Variants in BCL9L observed in about 807,000 individuals in gnomAD.
BCL9L encodes B-cell CLL/lymphoma 9-like protein.
Under a neutral mutation model 99.4 loss-of-function variants are expected in BCL9L, and 19 were observed. The observed-to-expected ratio is 0.19, with a 90% confidence interval of 0.13 to 0.28. The LOEUF (loss-of-function observed/expected upper bound fraction) is 0.28, where lower values mean the gene tolerates loss of function less well. Ranked by LOEUF, BCL9L falls within the 10% of genes least tolerant of loss-of-function variation. BCL9L has a pLI of 1.00. For synonymous variants in BCL9L, 900 were observed against 854.8 expected (o/e 1.05, Z -0.92); for missense variants, 2,023 against 2,101.6 (o/e 0.96, Z 0.73).
chr11:118,907,416 AG>A (rs1488569422), intron 5 of BCL9L, 66 bp downstream of exon 5: 1 of 1,610,634 alleles, frequency 6.2e-7, no homozygotes, highest in Non-Finnish European at 8.5e-7. Flanking sequence ...TCCCAGGCTC[AG>A]TCCTCTCAAG....
Position 118,898,453 on chromosome 11 carries a change from G to A in BCL9L, c.4462C>T (p.Leu1488Phe), listed in dbSNP as rs763770340. Residue 1488 changes from leucine to phenylalanine, a missense_variant, in exon 10 of 10, where the codon CTC (leucine) becomes TTC (phenylalanine). Transcript: ENST00000683865. ...TTGGCCATGCCGCCTGGTGCCGGGAGGTAGCCCATCTGGCTGTCCAGGGAC... is the reference window on the plus strand; with the variant it reads ...TTGGCCATGCCGCCTGGTGCCGGGAAGTAGCCCATCTGGCTGTCCAGGGAC... ...SVSLDSQMGY[L>F]PAPGGMANLP... The A allele has an allele frequency of 6.2e-7, 1 of 1,606,850 alleles. No individual in the cohort carries two copies. The highest frequency in any genetic ancestry group is 8.5e-7 in the Non-Finnish European group (1 of 1,175,020).
Position 118,902,081 on chromosome 11 carries a change from G to A in BCL9L, c.1662C>T (p.Gly554=), listed in dbSNP as rs1940272074. 6.2e-7 allele frequency: 1 copy of A among 1,613,622 alleles called. No homozygotes were observed. Among genetic ancestry groups the A allele is most frequent in the African/African-American group, 1.3e-5 (1 of 74,788 alleles). The change falls in exon 8 of 10, where the codon GGC becomes GGT. Residue 554 remains glycine (G), a synonymous_variant. Transcript: ENST00000683865. This position sits in a 1 kb window ranked among gnomAD's most constrained non-coding sequence, Gnocchi z 7.8. ...RPLQDMMGMG[G]MMVRGPPPPY... is the part of the protein sequence containing the mutation. ...GAGGCGGGGGCCCCCTCACCATCATGCCCCCCATGCCCATCATGTCCTGCA... is the reference window on the plus strand; with the variant it reads ...GAGGCGGGGGCCCCCTCACCATCATACCCCCCATGCCCATCATGTCCTGCA...
rs1941126997 is a variant in BCL9L, at chr11:118,921,190, A to G, written c.-130-2311T>C. 6.6e-6 allele frequency among the ~76,000 whole-genome samples: 1 copy of G among 152,128 alleles called. No individual in the cohort carries two copies. Among genetic ancestry groups the G allele is most frequent in the Admixed American group, 6.5e-5 (1 of 15,284 alleles). Reference sequence around the variant, plus strand: ...GCCTAGGGGAGCTCAGGAAACACACATGACATCGGCCAATCACACAGAACT... The same window carrying G: ...GCCTAGGGGAGCTCAGGAAACACACGTGACATCGGCCAATCACACAGAACT... On this transcript the variant is annotated intron_variant, in intron 1 of 9. Transcript: ENST00000683865. This position sits in a 1 kb window ranked among gnomAD's most constrained non-coding sequence, Gnocchi z 5.4.
intron 1 of BCL9L, among the ~76,000 whole-genome samples, chr11:118,919,325 C>A (rs1193223811): frequency 6.6e-6 from 1 of 151,628 alleles, no homozygotes; most frequent in East Asian, 1.9e-4. Context: ...CAGCCACCTC[C>A]AGGTTATCCT....
chr11:118,902,734 T>C lies in BCL9L; in HGVS notation c.1009A>G (p.Asn337Asp). Residue 337 changes from asparagine to aspartate, a missense_variant, in exon 8 of 10, where the codon AAC (asparagine) becomes GAC (aspartate). Asn to Asp is a conservative substitution (Grantham distance 23). This residue lies in a region of BCL9L where 1,116 missense variants were observed against 1,194.6 expected (regional missense o/e 0.93). Coordinates refer to ENST00000683865, the MANE Select transcript of BCL9L (RefSeq NM_001378213.1). The surrounding 1 kb of genome is among the most constrained non-coding windows in gnomAD (Gnocchi z 7.8). ...PEDSSQDLAP[N>D]SVGAASTGGG... Reference sequence around the variant, plus strand: ...CCTGTGCTGGCAGCTCCCACCGAGTTGGGGGCCAGGTCCTGACTGCTGTCC... The same window carrying C: ...CCTGTGCTGGCAGCTCCCACCGAGTCGGGGGCCAGGTCCTGACTGCTGTCC... 1 of 1,596,136 alleles carries C rather than the reference T, an allele frequency of 6.3e-7. No homozygotes were observed. Among genetic ancestry groups the C allele is most frequent in the Non-Finnish European group, 8.5e-7 (1 of 1,178,574 alleles).
chr11:118,902,528 C>T lies in BCL9L; in HGVS notation c.1215G>A (p.Glu405=). ...GCGTCTGGAGGGACCGTTCCCGATG[C>T]TCCAGCTGCTCTTTGGACAAGCCCT... ...GSEGLSKEQL[E]HRERSLQTLR... The change falls in exon 8 of 10, where the codon GAG becomes GAA. Residue 405 remains glutamate (E), a synonymous_variant. Coordinates refer to ENST00000683865, the MANE Select transcript of BCL9L (RefSeq NM_001378213.1). The surrounding 1 kb of genome is among the most constrained non-coding windows in gnomAD (Gnocchi z 7.8). 1 of 1,604,570 alleles carries T rather than the reference C, an allele frequency of 6.2e-7. No individual in the cohort carries two copies. Among genetic ancestry groups the T allele is most frequent in the Non-Finnish European group, 8.5e-7 (1 of 1,179,868 alleles).
intron 2 of BCL9L, among the ~76,000 whole-genome samples, chr11:118,912,827 G>A (rs559894381): frequency 6.6e-6 from 1 of 152,342 alleles, no homozygotes; most frequent in African/African-American, 2.4e-5. Flanking sequence ...AGGGCCCCCT[G>A]TGATGACGTG....
In BCL9L at chr11:118,900,689, C is replaced by G. The variant is rs1047942986; in HGVS notation, c.3054G>C (p.Pro1018=). 18 of 1,613,502 alleles carry G rather than the reference C, an allele frequency of 1.1e-5. No homozygotes were observed. Among genetic ancestry groups the G allele is most frequent in the Admixed American group, 8.3e-5 (5 of 59,964 alleles). The change falls in exon 8 of 10, where the codon CCG becomes CCC. Residue 1018 remains proline, a synonymous_variant. Transcript: ENST00000683865. This position sits in a 1 kb window ranked among gnomAD's most constrained non-coding sequence, Gnocchi z 5.3. ...GCGGCTGCTTGTTCTGGGAGACCCC[C>G]GGGCTGGGCATGGCCGTCTTAGGTG... The part of the protein sequence containing the change: ...VASPKTAMPS[P]GVSQNKQPPL...
chr11:118,911,353 A>G, intron 2 of BCL9L: 1 of 435,288 alleles, frequency 2.3e-6, no homozygotes, highest in Non-Finnish European at 4.7e-6. Flanking sequence ...CCTGGGGGTG[A>G]GGGGGCCCCA....
At position 118,914,820 on chromosome 11, in the gene BCL9L, G is replaced by A. The variant is rs1193237290; in HGVS notation, c.-77+4006C>T. Among the ~76,000 whole-genome samples, 1 of 152,218 alleles carries A rather than the reference G, an allele frequency of 6.6e-6. No individual in the cohort carries two copies. Among genetic ancestry groups the A allele is most frequent in the Non-Finnish European group, 1.5e-5 (1 of 68,028 alleles). On this transcript the variant is annotated intron_variant, in intron 2 of 9. Coordinates refer to ENST00000683865, the MANE Select transcript of BCL9L (RefSeq NM_001378213.1). The surrounding 1 kb of genome is among the most constrained non-coding windows in gnomAD (Gnocchi z 4.4). ...CCCTCTGAGGTTGGGGCCCTGGCAG[G>A]CAGTATGATGCAGTGGAATAAGAAC...
chr11:118,919,561 G>A (rs1363762203), intron 1 of BCL9L, among the ~76,000 whole-genome samples: 6 of 151,884 alleles, frequency 4.0e-5, no homozygotes, highest in Non-Finnish European at 2.9e-5. Context: ...GGGTCAAAGG[G>A]GAGTTCTTTT....
chr11:118,908,327 C>G lies in BCL9L; in HGVS notation c.355G>C (p.Val119Leu). 6.2e-7 allele frequency: 1 copy of G among 1,602,852 alleles called. No homozygotes were observed. The highest frequency in any genetic ancestry group is 8.5e-7 in the Non-Finnish European group (1 of 1,172,976). ...GKVKRDRSVSVDSGEQREAGT... is the reference protein window; with the variant it reads ...GKVKRDRSVSLDSGEQREAGT... ...GCCTCTCGCTGCTCTCCAGAGTCCA[C>G]AGACACACTCCGGTCCCTCTTCACC... The change falls in exon 4 of 10, where the codon GTG becomes CTG. Residue 119 changes from valine (V) to leucine (L), a missense_variant. By Grantham distance (32) the Val-to-Leu change is conservative. Transcript: ENST00000683865.
chr11:118,901,249 G>A lies in BCL9L; in HGVS notation c.2494C>T (p.Pro832Ser). 3.1e-6 allele frequency: 5 copies of A among 1,614,050 alleles called. No homozygotes were observed. The highest frequency in any genetic ancestry group is 4.2e-6 in the Non-Finnish European group (5 of 1,179,988). Residue 832 changes from proline (P) to serine (S), a missense_variant, in exon 8 of 10, where the codon CCG (proline) becomes TCG (serine). By Grantham distance (74) the Pro-to-Ser change is moderately conservative (BLOSUM62 -1). Transcript: ENST00000683865. The surrounding 1 kb of genome is among the most constrained non-coding windows in gnomAD (Gnocchi z 6.6). ...TGTGAAGGCATCAGCATCTTCTGCG[G>A]GCCGCCCATCACGCCACTGCTGTTC... ...AQNSSGVMGGPQKMLMPSQFP... is the reference protein window; with the variant it reads ...AQNSSGVMGGSQKMLMPSQFP...
chr11:118,902,550 C>T lies in BCL9L; in HGVS notation c.1193G>A (p.Gly398Asp), dbSNP rs1245763026. ...ATGCTCCAGCTGCTCTTTGGACAAGCCCTCTGAGCCCACCAGGCTGCGCTG... is the reference window on the plus strand; with the variant it reads ...ATGCTCCAGCTGCTCTTTGGACAAGTCCTCTGAGCCCACCAGGCTGCGCTG... ...NGQRSLVGSEGLSKEQLEHRE... is the reference protein window; with the variant it reads ...NGQRSLVGSEDLSKEQLEHRE... Residue 398 changes from glycine (G) to aspartate (D), a missense_variant, in exon 8 of 10, where the codon GGC becomes GAC. Physicochemically the swap from Gly to Asp is moderately conservative, Grantham distance 94 (BLOSUM62 -1). This residue lies in a region of BCL9L where 1,116 missense variants were observed against 1,194.6 expected (regional missense o/e 0.93). Coordinates refer to ENST00000683865, the MANE Select transcript of BCL9L (RefSeq NM_001378213.1). The surrounding 1 kb of genome is among the most constrained non-coding windows in gnomAD (Gnocchi z 7.8). The T allele has an allele frequency of 6.2e-7, 1 of 1,602,278 alleles. No individual in the cohort carries two copies. The highest frequency in any genetic ancestry group is 2.2e-5 in the East Asian group (1 of 44,860).
chr11:118,898,960 T>A lies in BCL9L; in HGVS notation c.3955A>T (p.Thr1319Ser). ...ELSEVIRPTPTGIPEFDLSRI... is the reference protein window; with the variant it reads ...ELSEVIRPTPSGIPEFDLSRI... ...GACAAGTCGAACTCGGGGATCCCCG[T>A]TGGGGTGGGCCGGATCACCTCGCTC... The change falls in exon 10 of 10, where the codon ACG becomes TCG. Residue 1319 changes from threonine to serine, a missense_variant. Around this residue, in one of 3 missense-constraint regions of BCL9L, gnomAD observed 902 missense variants for 888.2 expected, o/e 1.02. Coordinates refer to ENST00000683865, the MANE Select transcript of BCL9L (RefSeq NM_001378213.1). 1 of 1,612,894 alleles carries A rather than the reference T, an allele frequency of 6.2e-7. No homozygotes were observed. The highest frequency in any genetic ancestry group is 8.5e-7 in the Non-Finnish European group (1 of 1,179,174).
In BCL9L at chr11:118,899,501, G is replaced by A. The variant is rs1457863013; in HGVS notation, c.3414C>T (p.Ser1138=). ...PPPQGSGPGI[S]NSQPSQMHLN... ...GGTGCATCTGGCTGGGCTGGCTGTT[G>A]CTGATCCCTGTAGGGAATAGAAGAC... Residue 1138 remains serine, a synonymous_variant, in exon 10 of 10, where the codon AGC becomes AGT. Coordinates refer to ENST00000683865, the MANE Select transcript of BCL9L (RefSeq NM_001378213.1). The A allele has an allele frequency of 6.2e-7, 1 of 1,608,332 alleles. No individual in the cohort carries two copies. The highest frequency in any genetic ancestry group is 8.5e-7 in the Non-Finnish European group (1 of 1,178,600).
chr11:118,907,365 G>T (rs1301989482), intron 5 of BCL9L, 118 bp downstream of exon 5: 23 of 1,524,422 alleles, frequency 1.5e-5, no homozygotes, highest in Non-Finnish European at 2.0e-5. Context: ...TGAGAGGTAG[G>T]ATGGGAGAGA....
At position 118,899,344 on chromosome 11, in the gene BCL9L, C is replaced by T. The variant is rs369951131; in HGVS notation, c.3571G>A (p.Ala1191Thr). ...TGAGGGGGCCCCCCTGTCCCCTGTG[C>T]GTTGGGATGCAGTGGAATGTTGGAG... ...LGSNIPLHPNAQGTGGPPQNS... is the reference protein window; with the variant it reads ...LGSNIPLHPNTQGTGGPPQNS... The change falls in exon 10 of 10, where the codon GCA becomes ACA. Residue 1191 changes from alanine (A) to threonine (T), a missense_variant. This residue lies in a region of BCL9L where 902 missense variants were observed against 888.2 expected (regional missense o/e 1.02). Transcript: ENST00000683865. 2.3e-5 allele frequency: 35 copies of T among 1,522,220 alleles called. No individual in the cohort carries two copies. The Middle Eastern group carries it at 5.7e-4, about 25-fold the overall frequency. The allele number at this position is 1,522,220 out of a possible 1,614,324, so 94.3% of individuals were successfully genotyped here. A position where few individuals can be genotyped will look rare whatever the true frequency, so the allele number is the denominator to read the frequency against.
chr11:118,898,759 C>T lies in BCL9L; in HGVS notation c.4156G>A (p.Gly1386Arg). Residue 1386 changes from glycine (G) to arginine (R), a missense_variant, in exon 10 of 10, where the codon GGG becomes AGG. Gly to Arg is a moderately radical substitution (Grantham distance 125). Around this residue, in one of 3 missense-constraint regions of BCL9L, gnomAD observed 902 missense variants for 888.2 expected, o/e 1.02. Transcript: ENST00000683865. ...GGGTGGCACATGGACATGTTGAGCC[C>T]CCGCTGGACGCCCTGCTGGCCTGGG... ...NLPGQQGVQR[G>R]LNMSMCHPGQ... 2 of 1,613,690 alleles carry T rather than the reference C, an allele frequency of 1.2e-6. No homozygotes were observed. Among genetic ancestry groups the T allele is most frequent in the African/African-American group, 1.3e-5 (1 of 75,056 alleles).
Sources: allele counts gnomAD v4.1 joint callset (sites outside exome capture counted in the v4.1 genomes callset), GRCh38; gene constraint gnomAD v4.1.1; regional missense constraint gnomAD v4.1.1; non-coding constraint Gnocchi (gnomAD v3.1); transcripts MANE v1.5; gene names NCBI Gene and HGNC (gene_info 2026-07-23, HGNC 2026-07-21).